Variants in ANXA4 observed in about 807,000 individuals in gnomAD.
The protein encoded by ANXA4 is annexin A4, also known as 35-beta calcimedin.
A neutral mutation model predicts 49.8 loss-of-function variants in ANXA4; 39 were observed. That is an observed-to-expected ratio of 0.78 (90% CI 0.61 to 1.02). The LOEUF (loss-of-function observed/expected upper bound fraction) is 1.02, where lower values mean the gene tolerates loss of function less well. ANXA4 is among the 50% of genes least tolerant of loss of function. The probability of loss-of-function intolerance (pLI) is 0.00; values close to 1 mark genes in which losing one functional copy is unlikely to be tolerated. For missense variants in ANXA4, 360 were observed against 410.1 expected, an observed-to-expected ratio of 0.88 and a Z score of 1.05; for synonymous variants, 134 against 152.5, an observed-to-expected ratio of 0.88 and a Z score of 0.89.
At chr2:69,699,567 C>G (rs753840636) in intron 2 of ANXA4, among the ~76,000 whole-genome samples, 2 of 152,044 alleles carry the variant, frequency 1.3e-5, no homozygotes, top group African/African-American at 2.4e-5. Context: ...TCCTTGAGCC[C>G]AGGCTGCAGT....
chr2:69,753,675 T>C (rs1045792277), intron 1 of ANXA4, among the ~76,000 whole-genome samples: 3 of 152,222 alleles, frequency 2.0e-5, no homozygotes, highest in Non-Finnish European at 4.4e-5. Flanking sequence ...TGGTCAGAAG[T>C]GGGTCACATG....
chr2:69,658,261 G>A (rs1299674076), intron 2 of ANXA4, among the ~76,000 whole-genome samples: 7 of 151,880 alleles, frequency 4.6e-5, no homozygotes, highest in East Asian at 3.9e-4. Flanking sequence ...TTAGCTTGGC[G>A]TGGTGGCACA....
chr2:69,747,862 A>C (rs1670674074), intron 1 of ANXA4, among the ~76,000 whole-genome samples: 1 of 151,840 alleles, frequency 6.6e-6, no homozygotes, highest in Non-Finnish European at 1.5e-5. Flanking sequence ...TTATTTAAAA[A>C]TTTTGCATAG....
At position 69,649,603 on chromosome 2, in the gene ANXA4, C is replaced by CTT. The variant is rs766975640; in HGVS notation, n.482-3370_482-3369dup. Reference sequence around the variant, plus strand: ...CTTGTGTGCTTCTTTGATTTTCTTTCTTTTTTTTTTTTTTTTTTTTTTTTT... The same window carrying CTT: ...CTTGTGTGCTTCTTTGATTTTCTTTCTTTTTTTTTTTTTTTTTTTTTTTTTTT... On this transcript the variant is annotated intron_variant and non_coding_transcript_variant, in intron 1 of 3. Transcript: ENST00000418066. Among the ~76,000 whole-genome samples the CTT allele has an allele frequency of 1.6e-3, 111 of 70,660 alleles. 12 individuals are homozygous for CTT. Among genetic ancestry groups the CTT allele is most frequent in the Middle Eastern group, 0.011 (1 of 88 alleles). 46.4% of individuals were successfully genotyped at this position (70,660 alleles called of 152,430 possible).
intron 3 of ANXA4, among the ~76,000 whole-genome samples, chr2:69,801,946 A>G (rs1023322770): frequency 2.0e-5 from 3 of 152,234 alleles, no homozygotes; most frequent in African/African-American, 7.2e-5. Flanking sequence ...AAGAGGACAT[A>G]TAAACCAATA....
chr2:69,675,506 A>T (rs1447406626), intron 2 of ANXA4, among the ~76,000 whole-genome samples: 1 of 152,242 alleles, frequency 6.6e-6, no homozygotes, highest in Non-Finnish European at 1.5e-5. Flanking sequence ...TCAGAATTTT[A>T]AAAGTTACCT....
chr2:69,818,699 G>C lies in ANXA4; in HGVS notation c.724+5G>C. 6.3e-7 allele frequency: 1 copy of C among 1,583,494 alleles called. No homozygotes were observed. The highest frequency in any genetic ancestry group is 8.7e-7 in the Non-Finnish European group (1 of 1,155,400). ...AAGATGCTCTGCTGGCTATAGGTAA[G>C]CTGGTAGGGGGAGTAGAGAAACAAA... On this transcript the variant is annotated splice_donor_5th_base_variant and intron_variant, in intron 10 of 12. Coordinates refer to ENST00000394295, the MANE Select transcript of ANXA4 (RefSeq NM_001153.5).
At chr2:69,667,320 C>T (rs544360139) in intron 2 of ANXA4, among the ~76,000 whole-genome samples, 5 of 151,988 alleles carry the variant, frequency 3.3e-5, no homozygotes, top group South Asian at 2.1e-4. Flanking sequence ...TAAACTGGCA[C>T]GTGAATACCT....
At chr2:69,764,179 T>G (rs936673216) in intron 1 of ANXA4, among the ~76,000 whole-genome samples, 5 of 152,196 alleles carry the variant, frequency 3.3e-5, no homozygotes, top group African/African-American at 1.2e-4. Flanking sequence ...GCCAATAGTT[T>G]GTGATGAACG....
intron 3 of ANXA4, among the ~76,000 whole-genome samples, chr2:69,789,019 G>A (rs1031397327): frequency 2.0e-4 from 30 of 152,168 alleles, no homozygotes; most frequent in African/African-American, 6.5e-4. Context: ...TACTCATTAT[G>A]GATTTCCCCT....
chr2:69,668,967 C>T (rs552578643), intron 2 of ANXA4, among the ~76,000 whole-genome samples: 197 of 150,648 alleles, frequency 1.3e-3, no homozygotes, highest in African/African-American at 4.7e-3. Context: ...GGCAGAGTCT[C>T]GCTCTATCAC....
At chr2:69,790,524 C>G (rs960798580) in intron 3 of ANXA4, among the ~76,000 whole-genome samples, 62 of 152,094 alleles carry the variant, frequency 4.1e-4, no homozygotes, top group African/African-American at 1.4e-3. Flanking sequence ...AATGGGGGCA[C>G]TATAGGCCGT....
chr2:69,740,680 CTTTTTT>C (rs3077548), upstream of ANXA4, among the ~76,000 whole-genome samples: 13 of 75,778 alleles, frequency 1.7e-4, no homozygotes, highest in Admixed American at 1.9e-3. Flanking sequence ...CTTTCTTCCT[CTTTTTT>C]TTTTTTTTTT....
chr2:69,710,323 G>C (rs568999782), intron 2 of ANXA4, among the ~76,000 whole-genome samples: 10 of 152,178 alleles, frequency 6.6e-5, no homozygotes, highest in African/African-American at 2.4e-4. Context: ...GATATTATAT[G>C]TAATTTTACT....
intron 1 of ANXA4, among the ~76,000 whole-genome samples, chr2:69,771,921 T>G (rs1671734342): frequency 6.6e-6 from 1 of 152,232 alleles, no homozygotes; most frequent in African/African-American, 2.4e-5. Flanking sequence ...ATAGGTCTCA[T>G]ATGTTTAATT....
intron 2 of ANXA4, among the ~76,000 whole-genome samples, chr2:69,665,109 A>G (rs1338053956): frequency 6.6e-6 from 1 of 152,098 alleles, no homozygotes; most frequent in Non-Finnish European, 1.5e-5. Context: ...TTTCAAAATA[A>G]ACAAAAATAA....
intron 2 of ANXA4, among the ~76,000 whole-genome samples, chr2:69,668,120 G>A (rs12468574): frequency 0.064 from 9,763 of 152,130 alleles, 1,024 homozygotes; most frequent in East Asian, 0.36. Flanking sequence ...GAGCCGGGTA[G>A]CCTTTAATTG....
chr2:69,720,310 C>T lies in ANXA4; in HGVS notation n.767-464C>T, dbSNP rs577682568. On this transcript the variant is annotated intron_variant and non_coding_transcript_variant, in intron 2 of 3. Transcript: ENST00000418066. ...TTCAAATCCCCCCGGTCCCTCCTCT[C>T]GCTCCATCAGTGCCTTGGTGACCAC... is the stretch of plus-strand genomic sequence containing the variant. Among the ~76,000 whole-genome samples the T allele has an allele frequency of 1.2e-4, 19 of 152,348 alleles. No homozygotes were observed. The East Asian group carries it at 1.7e-3, about 14-fold the overall frequency.
chr2:69,751,065 A>G (rs1213571516), intron 1 of ANXA4, among the ~76,000 whole-genome samples: 2 of 152,182 alleles, frequency 1.3e-5, no homozygotes, highest in Non-Finnish European at 2.9e-5. Flanking sequence ...CACCCATATT[A>G]GGTGGGTACT....
Sources: allele counts gnomAD v4.1 joint callset (sites outside exome capture counted in the v4.1 genomes callset), GRCh38; gene constraint gnomAD v4.1.1; transcripts MANE v1.5; gene names NCBI Gene and HGNC (gene_info 2026-07-23, HGNC 2026-07-21).